The following MED22 variants were observed in gnomAD, a reference collection of about 807,000 sequenced individuals.
The protein encoded by MED22 is mediator complex subunit 22.
Under a neutral mutation model 22.7 loss-of-function variants are expected in MED22, and 22 were observed. The observed-to-expected ratio is 0.97, with a 90% CI of 0.69 to 1.38. The LOEUF (loss-of-function observed/expected upper bound fraction) is 1.38. MED22 is among the 40% of genes most tolerant of loss of function. The probability of loss-of-function intolerance (pLI) is 0.00; values close to 1 mark genes in which losing one functional copy is unlikely to be tolerated. For synonymous variants in MED22, 134 were observed against 119.4 expected, an observed-to-expected ratio of 1.12 and a Z score of -0.80; for missense variants, 247 against 263.0, an observed-to-expected ratio of 0.94 and a Z score of 0.42.
At position 133,341,644 on chromosome 9, in the gene MED22, C is replaced by T; in HGVS notation, c.464G>A (p.Arg155Lys). The T allele has an allele frequency of 6.2e-7, 1 of 1,606,482 alleles. No homozygotes were observed. Among genetic ancestry groups the T allele is most frequent in the Non-Finnish European group, 8.5e-7 (1 of 1,176,864 alleles). Reference sequence around the variant, plus strand: ...AGCAGAGTCTGTGTCGAGGTCCAGCCTCCCGTAAGCTTCGCACAGAGGCAG... The same window carrying T: ...AGCAGAGTCTGTGTCGAGGTCCAGCTTCCCGTAAGCTTCGCACAGAGGCAG... ...NDLPLCEAYGRLDLDTDSADG... is the reference protein window; with the variant it reads ...NDLPLCEAYGKLDLDTDSADG... The change falls in exon 5 of 5, where the codon AGG becomes AAG. Residue 155 changes from arginine (R) to lysine (K), a missense_variant. Physicochemically the swap from Arg to Lys is conservative, Grantham distance 26. Coordinates refer to ENST00000343730, the MANE Select transcript of MED22 (RefSeq NM_133640.5).
At chr9:133,346,819 T>G (rs148966803) in intron 1 of MED22, 119 bp from the exon 2 acceptor site, 3 of 916,320 alleles carry the variant, frequency 3.3e-6, no homozygotes, top group Non-Finnish European at 4.8e-6. Context: ...ATAAAGTCAA[T>G]CACTGAAACA....
chr9:133,344,088 C>T lies in MED22; in HGVS notation c.413+37G>A, dbSNP rs1588679445. ...TGCTGGCCAGGCCCAGGTAGGCAGGCTCCCGCTCTGCATGGGGAGTCCAGC... is the reference window on the plus strand; with the variant it reads ...TGCTGGCCAGGCCCAGGTAGGCAGGTTCCCGCTCTGCATGGGGAGTCCAGC... On this transcript the variant is annotated intron_variant, in intron 4 of 4. Coordinates refer to ENST00000343730, the MANE Select transcript of MED22 (RefSeq NM_133640.5). The T allele has an allele frequency of 6.2e-6, 10 of 1,609,818 alleles. No homozygotes were observed. In the East Asian group the frequency reaches 2.0e-4, roughly 32 times the overall value.
rs2129957895 is a variant in MED22 at position 133,343,796 on chromosome 9, A to G, written c.413+329T>C. On this transcript the variant is annotated intron_variant, in intron 4 of 4. Transcript: ENST00000343730. ...GTAACAGGAGCAGCACAGCCCCAGA[A>G]CGCACTGCCCGAGGAGGAAGGCTCT... 4.3e-6 allele frequency: 6 copies of G among 1,389,306 alleles called. No homozygotes were observed. The African/African-American group carries it at 7.2e-5, about 17-fold the overall frequency. 86.1% of individuals were successfully genotyped at this position (1,389,306 alleles called of 1,614,324 possible).
chr9:133,344,064 G>T, intron 4 of MED22, 61 bp downstream of exon 4: 1 of 1,601,380 alleles, frequency 6.2e-7, no homozygotes. Context: ...AGCCCTGCCT[G>T]CTGGCCAGGC....
Position 133,341,541 on chromosome 9 carries a change from G to A in MED22, c.567C>T (p.Ser189=). The change falls in exon 5 of 5, where the codon TCC becomes TCT. Residue 189 remains serine, a synonymous_variant. Transcript: ENST00000343730. Reference sequence around the variant, plus strand: ...CAGTGGGGCCAGGGCCACCAGCATGGGAGTGGGCAGGGGCTGCCACCTGTA... The same window carrying A: ...CAGTGGGGCCAGGGCCACCAGCATGAGAGTGGGCAGGGGCTGCCACCTGTA... ...GPLQVAAPAH[S]HAGGPGPTEH... The A allele has an allele frequency of 6.5e-7, 1 of 1,542,058 alleles. No individual in the cohort carries two copies.
chr9:133,347,975 G>T lies in MED22; in HGVS notation c.-92C>A. The T allele has an allele frequency of 2.0e-6, 1 of 504,692 alleles. No individual in the cohort carries two copies. Among genetic ancestry groups the T allele is most frequent in the Non-Finnish European group, 3.6e-6 (1 of 277,990 alleles). The allele number at this position is 504,692 out of a possible 1,614,324, so 31.3% of individuals were successfully genotyped here. On this transcript the variant is annotated 5_prime_UTR_variant, in exon 1 of 5. Coordinates refer to ENST00000343730, the MANE Select transcript of MED22 (RefSeq NM_133640.5). ...GCGTCCGCCGGGTCGGCCTAGGGCG[G>T]GGTGGTCAAGTGCCTCTGCGACCCG...
Position 133,338,575 on chromosome 9 carries a change from G to A in MED22, c.*2930C>T, listed in dbSNP as rs2129940984. On this transcript the variant is annotated 3_prime_UTR_variant, in exon 5 of 5. Transcript: ENST00000343730. ...CCCGCCTCGGCCTCCCAAAGTGCTG[G>A]GATTACAGGCGTGAGCCACCGCGCC... 0.064 allele frequency: 11,334 copies of A among 177,514 alleles called. 474 individuals carry two copies. The highest frequency in any genetic ancestry group is 0.097 in the Non-Finnish European group (7,978 of 82,240). The allele number at this position is 177,514 out of a possible 1,614,324, so 11.0% of individuals were successfully genotyped here. A position where few individuals can be genotyped will look rare whatever the true frequency, so the allele number is the denominator to read the frequency against.
At chr9:133,347,136 C>T (rs1182121188) in intron 1 of MED22, 1 of 162,876 alleles carries the variant, frequency 6.1e-6, no homozygotes, top group Admixed American at 6.2e-5. Flanking sequence ...CTTCCACTCC[C>T]ACTCAGGCTG....
intron 4 of MED22, 149 bp from the exon 5 acceptor site, chr9:133,341,843 C>T: frequency 1.4e-6 from 2 of 1,403,930 alleles, no homozygotes; most frequent in Non-Finnish European, 1.8e-6. Flanking sequence ...TCCATCTGTC[C>T]CCTGAGTTGG....
rs1402023216 is a variant in MED22 at position 133,339,412 on chromosome 9, A to T, written c.*2093T>A. On this transcript the variant is annotated 3_prime_UTR_variant, in exon 5 of 5. Coordinates refer to ENST00000343730, the MANE Select transcript of MED22 (RefSeq NM_133640.5). ...CCCAGAGCAGCACACTGTGAGAACCAATGGGAAGGAGCCTGAGCTGCTGGA... is the reference window on the plus strand; with the variant it reads ...CCCAGAGCAGCACACTGTGAGAACCTATGGGAAGGAGCCTGAGCTGCTGGA... 1.3e-6 allele frequency: 1 copy of T among 771,638 alleles called. No homozygotes were observed. The highest frequency in any genetic ancestry group is 1.7e-5 in the African/African-American group (1 of 58,418). The allele number at this position is 771,638 out of a possible 1,614,324, so 47.8% of individuals were successfully genotyped here. A position where few individuals can be genotyped will look rare whatever the true frequency, so the allele number is the denominator to read the frequency against.
rs1468433193 is a variant in MED22, at chr9:133,344,160, G to A, written c.378C>T (p.Asp126=). The A allele has an allele frequency of 3.7e-6, 6 of 1,614,070 alleles. No individual in the cohort carries two copies. The Admixed American group carries it at 5.0e-5, about 13-fold the overall frequency. Residue 126 remains aspartate, a synonymous_variant, in exon 4 of 5, where the codon GAC becomes GAT. Transcript: ENST00000343730. The stretch of plus-strand genomic sequence containing the variant: ...AATACTCCTCCTCCAGCTCGTAGAG[G>A]TCAATGGAGATCTCGTCTCGCAGCG... ...LITLRDEISI[D]LYELEEEYYS...
intron 4 of MED22, chr9:133,342,974 T>C (rs1836056957): frequency 2.0e-6 from 2 of 985,732 alleles, no homozygotes; most frequent in Admixed American, 1.2e-4. Flanking sequence ...TGAACAGCTG[T>C]GGAAGGAGAT....
chr9:133,346,203 C>G (rs2129967541), intron 2 of MED22, among the ~76,000 whole-genome samples: 113 of 152,292 alleles, frequency 7.4e-4, no homozygotes, highest in Non-Finnish European at 1.3e-3. Context: ...TGGAGGCCCC[C>G]CCCCACTTCT....
chr9:133,347,044 C>A (rs1285235976), intron 1 of MED22: 4 of 211,188 alleles, frequency 1.9e-5, no homozygotes, highest in Non-Finnish European at 3.9e-5. Context: ...AACTTCTTAG[C>A]CCGCCGCCAC....
rs140042933 is a variant in MED22, at chr9:133,345,008, C to T, written c.204+164G>A. Among the ~76,000 whole-genome samples the T allele has an allele frequency of 4.0e-3, 602 of 152,158 alleles. 4 individuals are homozygous for T. The highest frequency in any genetic ancestry group is 0.014 in the African/African-American group (583 of 41,512). On this transcript the variant is annotated intron_variant, in intron 3 of 4. Coordinates refer to ENST00000343730, the MANE Select transcript of MED22 (RefSeq NM_133640.5). ...TTTGCCCCCACCTCATTCTTTAAAG[C>T]TGCCGAGTGGTGAAACCAAAGCATC...
At position 133,339,487 on chromosome 9, in the gene MED22, A is replaced by G. The variant is rs2129943027; in HGVS notation, c.*2018T>C. On this transcript the variant is annotated 3_prime_UTR_variant, in exon 5 of 5. Coordinates refer to ENST00000343730, the MANE Select transcript of MED22 (RefSeq NM_133640.5). ...ATCGTGGGTGTTAAAAAAATAAAAG[A>G]CCTCTGGACTAGAAAGAAAAAAAAT... 3.0e-6 allele frequency: 2 copies of G among 672,290 alleles called. No individual in the cohort carries two copies. The highest frequency in any genetic ancestry group is 5.4e-6 in the Non-Finnish European group (2 of 369,742). 41.6% of individuals were successfully genotyped at this position (672,290 alleles called of 1,614,324 possible). A position where few individuals can be genotyped will look rare whatever the true frequency, so the allele number is the denominator to read the frequency against.
At chr9:133,343,524 G>A (rs2129956993) in intron 4 of MED22, 169 of 1,236,790 alleles carry the variant, frequency 1.4e-4, no homozygotes, top group South Asian at 2.0e-4. Context: ...GGCCTGGCAC[G>A]TAGGTTGGCT....
In MED22 at chr9:133,341,482, G is replaced by A; in HGVS notation, c.*23C>T. On this transcript the variant is annotated 3_prime_UTR_variant, in exon 5 of 5. Transcript: ENST00000343730. ...GGGCTGCCTCAGGTTTTGTTCCTGA[G>A]AACGAAGCGTGGCCCCGGAGGCTCA... 1 of 1,470,312 alleles carries A rather than the reference G, an allele frequency of 6.8e-7. No homozygotes were observed. Among genetic ancestry groups the A allele is most frequent in the Non-Finnish European group, 8.9e-7 (1 of 1,118,786 alleles). 91.1% of individuals were successfully genotyped at this position (1,470,312 alleles called of 1,614,324 possible).
intron 4 of MED22, chr9:133,343,311 ATC>A (rs1836069174): frequency 8.1e-7 from 1 of 1,228,210 alleles, no homozygotes; most frequent in Admixed American, 4.2e-5. Flanking sequence ...GCTGGACTGA[ATC>A]TTGATTTTCT....
Sources: allele counts gnomAD v4.1 joint callset (sites outside exome capture counted in the v4.1 genomes callset), GRCh38; gene constraint gnomAD v4.1.1; transcripts MANE v1.5; gene names NCBI Gene and HGNC (gene_info 2026-07-23, HGNC 2026-07-21).